The following OVCH1 variants were observed in gnomAD, a reference collection of about 807,000 sequenced individuals.
OVCH1 encodes ovochymase-1.
Under a neutral mutation model 138.4 loss-of-function variants are expected in OVCH1, and 139 were observed. The ratio of observed to expected loss-of-function variants is 1.00; its 90% CI spans 0.87 to 1.16. The LOEUF is 1.16. Ranked by LOEUF, OVCH1 falls within the 50% of genes most tolerant of loss-of-function variation. The pLI, the probability that OVCH1 is intolerant of heterozygous loss-of-function variation, is 0.00. For missense variants in OVCH1, 1,367 were observed against 1,357.9 expected (o/e 1.01, Z -0.11); for synonymous variants, 453 against 467.8 (o/e 0.97, Z 0.41).
chr12:29,496,188 G>A (rs1436168389), exon 3 of OVCH1: 1 of 1,604,894 alleles, frequency 6.2e-7, no homozygotes, highest in East Asian at 2.2e-5. Context: ...TACTCACTGA[G>A]GCTGTCCAGG....
At chr12:29,486,417 G>T in intron 7 of OVCH1, 69 bp from the exon 8 acceptor site, 1 of 1,240,254 alleles carries the variant, frequency 8.1e-7, no homozygotes, top group Non-Finnish European at 1.1e-6. Context: ...TTTTAACAAT[G>T]TGAAGTTAAA....
chr12:29,432,766 A>G (rs1283147750), intron 27 of OVCH1, among the ~76,000 whole-genome samples: 1 of 152,178 alleles, frequency 6.6e-6, no homozygotes, highest in Non-Finnish European at 1.5e-5. Flanking sequence ...CTCAACTGAC[A>G]GTGATAGAGA....
chr12:29,478,870 TA>T lies in OVCH1; in HGVS notation c.1033del (p.Tyr345MetfsTer82). On this transcript the variant is annotated frameshift_variant, in exon 9 of 28. Coordinates refer to ENST00000318184, the Ensembl canonical transcript of OVCH1. LOFTEE classifies it high-confidence loss of function. ...TCCACTGCTTGATCGTAAAGATACA[TA>T]GTCATGATCACATCCAACTTGCTTT... 2 of 1,594,394 alleles carry T rather than the reference TA, an allele frequency of 1.3e-6. No individual in the cohort carries two copies. Among genetic ancestry groups the T allele is most frequent in the Non-Finnish European group, 8.5e-7 (1 of 1,171,450 alleles).
Position 29,492,340 on chromosome 12 carries a change from AT to A in OVCH1, c.455-1149del, listed in dbSNP as rs200196185. Among the ~76,000 whole-genome samples the A allele has an allele frequency of 3.4e-4, 51 of 148,890 alleles. No homozygotes were observed. In the East Asian group the frequency reaches 5.4e-3, roughly 16 times the overall value. The stretch of plus-strand genomic sequence containing the variant: ...TAAGTTAGTTTCATAAAAAAAAAAA[AT>A]AAACAAATCAGAGGTTAGATATAGG... On this transcript the variant is annotated intron_variant, in intron 4 of 27. Coordinates refer to ENST00000318184, the Ensembl canonical transcript of OVCH1.
In OVCH1 at chr12:29,473,078, CTT is replaced by C. The variant is rs1176653699; in HGVS notation, c.1624_1625del (p.Lys542ValfsTer17). 2.5e-6 allele frequency: 4 copies of C among 1,609,680 alleles called. No individual in the cohort carries two copies. In the Admixed American group the frequency reaches 5.0e-5, roughly 20 times the overall value. Reference sequence around the variant, plus strand: ...ATACAGGATTGTTTTGGGGAGGTAACTTTGGTTCAAATTTGTTTAAAGACTCT... The same window carrying C: ...ATACAGGATTGTTTTGGGGAGGTAACTGGTTCAAATTTGTTTAAAGACTCT... On this transcript the variant is annotated frameshift_variant, in exon 15 of 28. Transcript: ENST00000318184. LOFTEE classifies it high-confidence loss of function.
chr12:29,471,957 A>AC lies in OVCH1; in HGVS notation c.1700dup (p.Ser567ArgfsTer56). 1 of 1,612,684 alleles carries AC rather than the reference A, an allele frequency of 6.2e-7. No homozygotes were observed. The highest frequency in any genetic ancestry group is 1.1e-5 in the South Asian group (1 of 90,884). ...CGATTCTTCTGGAAAGCCACTGGGGACTAAATGGAGGGATGCCACAGACAT... is the reference window on the plus strand; with the variant it reads ...CGATTCTTCTGGAAAGCCACTGGGGACCTAAATGGAGGGATGCCACAGACAT... On this transcript the variant is annotated frameshift_variant, in exon 16 of 28. Coordinates refer to ENST00000318184, the Ensembl canonical transcript of OVCH1. LOFTEE classifies it high-confidence loss of function.
chr12:29,484,388 A>AAT (rs1466408726), intron 8 of OVCH1, among the ~76,000 whole-genome samples: 1 of 152,234 alleles, frequency 6.6e-6, no homozygotes, highest in Non-Finnish European at 1.5e-5. Context: ...ACTTTAGTTT[A>AAT]ATAACTATTC....
chr12:29,497,526 A>G (rs995537837), intron 1 of OVCH1, 97 bp downstream of exon 1: 9 of 1,417,852 alleles, frequency 6.3e-6, no homozygotes, highest in Non-Finnish European at 8.7e-6. Context: ...GTGTGGCTAT[A>G]CCACCCCGAC....
intron 8 of OVCH1, among the ~76,000 whole-genome samples, chr12:29,479,847 T>C (rs1565604359): frequency 7.1e-6 from 1 of 140,546 alleles, no homozygotes; most frequent in Non-Finnish European, 1.5e-5. Flanking sequence ...TTTTTGAGAC[T>C]GAGTCTCACT....
At chr12:29,489,833 G>C in intron 5 of OVCH1, 62 bp from the exon 6 acceptor site, 1 of 1,517,120 alleles carries the variant, frequency 6.6e-7, no homozygotes, top group African/African-American at 1.4e-5. Context: ...TTAATGGGAA[G>C]TCTACAAGTT....
At position 29,460,165 on chromosome 12, in the gene OVCH1, C is replaced by T. The variant is rs566288792; in HGVS notation, c.2280+1689G>A. Among the ~76,000 whole-genome samples, 5 of 152,290 alleles carry T rather than the reference C, an allele frequency of 3.3e-5. No individual in the cohort carries two copies. The South Asian group carries it at 1.0e-3, about 32-fold the overall frequency. On this transcript the variant is annotated intron_variant, in intron 19 of 27. Coordinates refer to ENST00000318184, the Ensembl canonical transcript of OVCH1. ...TGTATATAACTGAAAAGATAAGTGCCAACTGAGATCATGATATTTAGGTCA... is the reference window on the plus strand; with the variant it reads ...TGTATATAACTGAAAAGATAAGTGCTAACTGAGATCATGATATTTAGGTCA...
intron 16 of OVCH1, among the ~76,000 whole-genome samples, chr12:29,468,711 A>G (rs1202862202): frequency 1.3e-5 from 2 of 152,200 alleles, no homozygotes; most frequent in South Asian, 4.1e-4. Context: ...AGACAGAACC[A>G]GGTGGTACTG....
chr12:29,495,390 G>C, exon 4 of OVCH1: 1 of 1,613,336 alleles, frequency 6.2e-7, no homozygotes, highest in Non-Finnish European at 8.5e-7. Flanking sequence ...GGAATATTCT[G>C]TTCTTGCTTA....
intron 14 of OVCH1, among the ~76,000 whole-genome samples, chr12:29,474,072 C>T (rs61918681): frequency 3.1e-5 from 3 of 98,338 alleles, no homozygotes; most frequent in East Asian, 2.6e-4. Context: ...CACACACACA[C>T]ATACACACAC....
At chr12:29,464,973 A>G (rs190475223) in intron 17 of OVCH1, among the ~76,000 whole-genome samples, 174 bp downstream of exon 17, 12 of 152,300 alleles carry the variant, frequency 7.9e-5, no homozygotes, top group Admixed American at 7.9e-4. Context: ...ACTTCCTGCA[A>G]TTCTCAAGTG....
In OVCH1 at chr12:29,455,411, A is replaced by C. The variant is rs1941919869; in HGVS notation, c.2281-6T>G. Reference sequence around the variant, plus strand: ...AGTGGCCCACCAGAGTCTCCCTGAAACACCAAGAAAACATGTTTTAGAAAA... The same window carrying C: ...AGTGGCCCACCAGAGTCTCCCTGAACCACCAAGAAAACATGTTTTAGAAAA... On this transcript the variant is annotated splice_region_variant and splice_polypyrimidine_tract_variant and intron_variant, in intron 19 of 27. Transcript: ENST00000318184. 1.9e-6 allele frequency: 3 copies of C among 1,588,708 alleles called. No homozygotes were observed. Among genetic ancestry groups the C allele is most frequent in the Non-Finnish European group, 2.6e-6 (3 of 1,170,182 alleles).
At chr12:29,433,495 A>G (rs1298131912) in intron 27 of OVCH1, among the ~76,000 whole-genome samples, 3 of 151,774 alleles carry the variant, frequency 2.0e-5, no homozygotes, top group Non-Finnish European at 4.4e-5. Context: ...AGTCTCAGGT[A>G]TTTCTTCATA....
chr12:29,417,220 A>G (rs1941040940), intron 3 of OVCH1, among the ~76,000 whole-genome samples: 1 of 152,200 alleles, frequency 6.6e-6, no homozygotes, highest in African/African-American at 2.4e-5. Context: ...TGAGAGGCCA[A>G]GGCGGGTGGA....
chr12:29,472,927 C>G (rs1053873245), intron 15 of OVCH1, 102 bp downstream of exon 15: 2 of 984,406 alleles, frequency 2.0e-6, no homozygotes, highest in African/African-American at 3.3e-5. Flanking sequence ...TTCTTCTTCA[C>G]TGTGGAGTTA....
Sources: allele counts gnomAD v4.1 joint callset (sites outside exome capture counted in the v4.1 genomes callset), GRCh38; gene constraint gnomAD v4.1.1; transcripts MANE v1.5; gene names NCBI Gene and HGNC (gene_info 2026-07-23, HGNC 2026-07-21).